Variants in DMD observed in about 807,000 individuals in gnomAD.
The protein encoded by DMD is dystrophin.
Under a neutral mutation model 330.1 loss-of-function variants are expected in DMD, and 63 were observed. The observed-to-expected ratio is 0.19, with a 90% CI of 0.16 to 0.24. The LOEUF (loss-of-function observed/expected upper bound fraction) is 0.24, where lower values mean the gene tolerates loss of function less well. DMD is among the 10% of genes least tolerant of loss of function. The pLI, the probability that DMD is intolerant of heterozygous loss-of-function variation, is 1.00. For missense variants in DMD, 3,344 were observed against 2,684.1 expected (o/e 1.25, Z -5.43); for synonymous variants, 1,223 against 959.8 (o/e 1.27, Z -5.07).
chrX:32,089,302 AG>A (rs1037999731), intron 44 of DMD, among the ~76,000 whole-genome samples: 2 of 111,635 alleles, frequency 1.8e-5, no homozygotes, highest in African/African-American at 6.5e-5. Flanking sequence ...CTTTTAAATT[AG>A]GTTCAGGGGT....
chrX:31,168,961 G>A (rs779270334), intron 74 of DMD, among the ~76,000 whole-genome samples: 2 of 111,616 alleles, frequency 1.8e-5, no homozygotes, highest in Non-Finnish European at 3.8e-5. Flanking sequence ...AACCTGCTAT[G>A]ATGGTGAGCA....
At chrX:32,562,820 C>T (rs925254381) in intron 16 of DMD, among the ~76,000 whole-genome samples, 8 of 111,128 alleles carry the variant, frequency 7.2e-5, no homozygotes, top group African/African-American at 2.6e-4. Flanking sequence ...TTCTCTTTTC[C>T]TGAGTAGCTC....
At chrX:31,705,482 T>C (rs1014863140) in intron 52 of DMD, among the ~76,000 whole-genome samples, 1 of 113,012 alleles carries the variant, frequency 8.8e-6, no homozygotes, top group Non-Finnish European at 1.9e-5. Context: ...ATGAAACTAA[T>C]GGACTGTGAC....
At chrX:33,129,325 CTTTTTTTTTTTTTTTTT>C (rs58505662) in intron 1 of DMD, among the ~76,000 whole-genome samples, 4 of 30,720 alleles carry the variant, frequency 1.3e-4, no homozygotes, top group Non-Finnish European at 5.2e-5. Context: ...TTAAGGTTTG[CTTTTTTTTTTTTTTTTT>C]TTTTTTTTTT....
chrX:32,193,784 C>T (rs1233571791), intron 44 of DMD, among the ~76,000 whole-genome samples: 3 of 111,350 alleles, frequency 2.7e-5, no homozygotes, highest in African/African-American at 9.8e-5. Context: ...GTCCCAGGAT[C>T]GCAGGAATTA....
chrX:32,396,238 A>G (rs935483030), intron 30 of DMD, among the ~76,000 whole-genome samples: 1 of 111,625 alleles, frequency 9.0e-6, no homozygotes, highest in Non-Finnish European at 1.9e-5. Flanking sequence ...AATTTGAAAT[A>G]TACATATTTC....
chrX:31,167,004 C>T (rs1040231973), intron 74 of DMD, among the ~76,000 whole-genome samples: 2 of 111,708 alleles, frequency 1.8e-5, no homozygotes, highest in South Asian at 3.8e-4. Context: ...CAGGGTAAAG[C>T]GGTTATCGCT....
chrX:33,163,610 A>ATATC (rs1174420528), intron 1 of DMD, among the ~76,000 whole-genome samples: 1 of 54,990 alleles, frequency 1.8e-5, no homozygotes, highest in South Asian at 1.1e-3. Flanking sequence ...ATATATATCT[A>ATATC]TATCTATCTC....
At chrX:32,418,972 C>CAA (rs1160282195) in intron 29 of DMD, among the ~76,000 whole-genome samples, 237 of 13,481 alleles carry the variant, frequency 0.018, 39 homozygotes, top group African/African-American at 0.041. Context: ...GACTCTGTCT[C>CAA]AAAAAAAAAA....
At chrX:31,425,437 CCTAA>C (rs767428816) in intron 60 of DMD, among the ~76,000 whole-genome samples, 3 of 111,811 alleles carry the variant, frequency 2.7e-5, no homozygotes, top group Non-Finnish European at 3.8e-5. Context: ...CAGCTATTTG[CCTAA>C]CTAACAGCTA....
intron 62 of DMD, among the ~76,000 whole-genome samples, chrX:31,304,657 A>G (rs1291750621): frequency 9.1e-6 from 1 of 109,334 alleles, no homozygotes; most frequent in Non-Finnish European, 1.9e-5. Flanking sequence ...CTGGTACAAT[A>G]GCCCCCAATA....
intron 52 of DMD, among the ~76,000 whole-genome samples, chrX:31,722,100 G>A (rs1603451365): frequency 9.8e-6 from 1 of 102,148 alleles, no homozygotes; most frequent in South Asian, 4.2e-4. Context: ...AAAGTAAGTT[G>A]TATTTCTTTT....
intron 1 of DMD, among the ~76,000 whole-genome samples, chrX:33,081,517 G>T (rs1030118672): frequency 7.1e-5 from 8 of 111,943 alleles, no homozygotes; most frequent in African/African-American, 2.6e-4. Context: ...CAAGTGATCC[G>T]CCCTCCTCGG....
At chrX:31,139,474 TACACAC>T (rs57784155) in intron 76 of DMD, among the ~76,000 whole-genome samples, 115 of 98,436 alleles carry the variant, frequency 1.2e-3, no homozygotes, top group African/African-American at 2.3e-3. Context: ...GGTGTTTATA[TACACAC>T]ACACACACAC....
chrX:31,240,719 T>G (rs2048178850), intron 63 of DMD, among the ~76,000 whole-genome samples: 1 of 111,895 alleles, frequency 8.9e-6, no homozygotes. Flanking sequence ...AATTCTCAGG[T>G]TATCATTTAT....
intron 2 of DMD, among the ~76,000 whole-genome samples, chrX:32,869,996 A>AAAT (rs1205019201): frequency 9.0e-6 from 1 of 111,127 alleles, no homozygotes; most frequent in Non-Finnish European, 1.9e-5. Flanking sequence ...AATCAAGGAT[A>AAAT]AATAGGAAGA....
At chrX:31,827,503 A>G in intron 49 of DMD, among the ~76,000 whole-genome samples, 1 of 112,049 alleles carries the variant, frequency 8.9e-6, no homozygotes, top group East Asian at 2.8e-4. Context: ...CATTTACAGC[A>G]CTAGACAGGT....
intron 47 of DMD, among the ~76,000 whole-genome samples, chrX:31,911,930 A>T (rs1259541157): frequency 2.7e-5 from 3 of 112,034 alleles, no homozygotes; most frequent in Non-Finnish European, 5.6e-5. Flanking sequence ...TCATAAGCAG[A>T]GCGAAAATAA....
chrX:33,049,185 T>C (rs1393764142), intron 1 of DMD, among the ~76,000 whole-genome samples: 1 of 112,040 alleles, frequency 8.9e-6, no homozygotes, highest in African/African-American at 3.2e-5. Flanking sequence ...AAGGATTTGT[T>C]TGGTTGCAAT....
Sources: gnomAD v4.1 joint callset for allele counts (sites outside exome capture counted in the v4.1 genomes callset) on GRCh38, gnomAD v4.1.1 for gene constraint, MANE v1.5 for transcripts, NCBI Gene and HGNC (gene_info 2026-07-23, HGNC 2026-07-21) for gene names.